The following FAF1 variants were observed in gnomAD, a reference collection of about 807,000 sequenced individuals.
FAF1 encodes the protein Fas associated factor 1, also known as FAS-associated factor 1.
A neutral mutation model predicts 92.5 loss-of-function variants in FAF1; 25 were observed. The observed-to-expected ratio is 0.27, with a 90% CI of 0.20 to 0.38. FAF1 has a LOEUF of 0.38. FAF1 is among the 10% of genes least tolerant of loss of function. FAF1 has a pLI of 1.00. For missense variants in FAF1, 636 were observed against 793.3 expected (o/e 0.80, Z 2.38); for synonymous variants, 234 against 273.2 (o/e 0.86, Z 1.42).
At chr1:50,468,000 G>T (rs1007798024) in intron 18 of FAF1, among the ~76,000 whole-genome samples, 1 of 152,122 alleles carries the variant, frequency 6.6e-6, no homozygotes, top group Non-Finnish European at 1.5e-5. Context: ...TCTGAGCCCA[G>T]GAGTTCGAGA....
intron 7 of FAF1, among the ~76,000 whole-genome samples, chr1:50,703,024 A>AT (rs1557483708): frequency 6.6e-6 from 1 of 150,790 alleles, no homozygotes; most frequent in East Asian, 1.9e-4. Context: ...TATATATATA[A>AT]AATACACTAA....
In FAF1 at chr1:50,960,009, C is replaced by A; in HGVS notation, c.-198G>T. ...AGGCGCTCATGCACTCGGTAACCTT[C>A]AGGCGCCCCGGCCGCCCGCCTGCAA... is the stretch of plus-strand genomic sequence containing the variant. On this transcript the variant is annotated 5_prime_UTR_variant, in exon 1 of 19. Transcript: ENST00000396153. 1 of 395,206 alleles carries A rather than the reference C, an allele frequency of 2.5e-6. No homozygotes were observed. 24.5% of individuals were successfully genotyped at this position (395,206 alleles called of 1,614,324 possible).
chr1:50,818,556 G>A (rs1231374380), intron 2 of FAF1, among the ~76,000 whole-genome samples: 1 of 152,174 alleles, frequency 6.6e-6, no homozygotes, highest in East Asian at 1.9e-4. Flanking sequence ...TCTTATACAT[G>A]CAACAATATG....
chr1:50,553,334 G>A (rs935507370), intron 13 of FAF1, among the ~76,000 whole-genome samples: 1 of 152,170 alleles, frequency 6.6e-6, no homozygotes, highest in African/African-American at 2.4e-5. Flanking sequence ...AAAATTTTCT[G>A]GAGAACATGT....
intron 8 of FAF1, among the ~76,000 whole-genome samples, chr1:50,653,440 T>A (rs1028746723): frequency 6.6e-6 from 1 of 151,992 alleles, no homozygotes; most frequent in Admixed American, 6.6e-5. Context: ...AACCTCCCCC[T>A]CCCAGGTTCA....
rs1458123803 is a variant in FAF1 at position 50,960,142 on chromosome 1, C to G, written c.-331G>C. On this transcript the variant is annotated 5_prime_UTR_variant, in exon 1 of 19. Transcript: ENST00000396153. ...AGGGCAGGTTGCGACAGCGCGCACC[C>G]GGATACCTTCAGCGGCGTTAAGCCC... 3 of 353,820 alleles carry G rather than the reference C, an allele frequency of 8.5e-6. No individual in the cohort carries two copies. Among genetic ancestry groups the G allele is most frequent in the Non-Finnish European group, 1.0e-5 (2 of 196,390 alleles). 21.9% of individuals were successfully genotyped at this position (353,820 alleles called of 1,614,324 possible).
chr1:50,589,478 A>ACAGC (rs764225092), intron 9 of FAF1, among the ~76,000 whole-genome samples: 5 of 152,174 alleles, frequency 3.3e-5, no homozygotes, highest in Non-Finnish European at 7.4e-5. Flanking sequence ...CAGAACAACT[A>ACAGC]CAGCAGTAGC....
Position 50,513,341 on chromosome 1 carries a change from G to A in FAF1, c.1495-21540C>T, listed in dbSNP as rs947603286. Among the ~76,000 whole-genome samples, 8 of 152,136 alleles carry A rather than the reference G, an allele frequency of 5.3e-5. No homozygotes were observed. In the South Asian group the frequency reaches 1.0e-3, roughly 20 times the overall value. On this transcript the variant is annotated intron_variant, in intron 15 of 18. Coordinates refer to ENST00000396153, the MANE Select transcript of FAF1 (RefSeq NM_007051.3). The stretch of plus-strand genomic sequence containing the variant: ...CCAGAAAAAAATACAAAAATTAACC[G>A]GGCATGGTGGTGCATGCCTGCAATC...
At chr1:50,763,222 C>A (rs1268560429) in intron 4 of FAF1, among the ~76,000 whole-genome samples, 1 of 152,152 alleles carries the variant, frequency 6.6e-6, no homozygotes, top group East Asian at 1.9e-4. Flanking sequence ...GACGCCACTG[C>A]ACTCCAACCT....
chr1:50,729,387 G>A (rs1006040402), intron 6 of FAF1, among the ~76,000 whole-genome samples: 3 of 150,738 alleles, frequency 2.0e-5, no homozygotes. Context: ...ATGGTCACAA[G>A]TGAAATGTAC....
intron 15 of FAF1, among the ~76,000 whole-genome samples, chr1:50,519,719 A>G (rs554250858): frequency 6.6e-6 from 1 of 152,248 alleles, no homozygotes; most frequent in African/African-American, 2.4e-5. Flanking sequence ...CTTAATTATG[A>G]TGTGTGTTAT....
At chr1:50,600,913 T>C (rs1363792060) in intron 8 of FAF1, among the ~76,000 whole-genome samples, 1 of 152,188 alleles carries the variant, frequency 6.6e-6, no homozygotes, top group Admixed American at 6.5e-5. Context: ...TTTTCTTCAA[T>C]ATTAATTTTT....
At chr1:50,831,106 G>C (rs1644148547) in intron 2 of FAF1, among the ~76,000 whole-genome samples, 1 of 151,886 alleles carries the variant, frequency 6.6e-6, no homozygotes, top group East Asian at 1.9e-4. Context: ...ATATGCTAAA[G>C]GTGAATTGAG....
intron 15 of FAF1, among the ~76,000 whole-genome samples, chr1:50,514,679 AT>A (rs1647188219): frequency 6.6e-6 from 1 of 152,130 alleles, no homozygotes; most frequent in African/African-American, 2.4e-5. Flanking sequence ...TCTGATGGAG[AT>A]GTTTAGAAAA....
At chr1:50,688,773 T>C (rs560895170) in intron 7 of FAF1, among the ~76,000 whole-genome samples, 2 of 152,134 alleles carry the variant, frequency 1.3e-5, no homozygotes, top group East Asian at 3.9e-4. Flanking sequence ...GATCGCGCCA[T>C]TGCACTACAG....
intron 1 of FAF1, among the ~76,000 whole-genome samples, chr1:50,930,001 C>A (rs1210290990): frequency 1.3e-5 from 2 of 152,056 alleles, no homozygotes; most frequent in African/African-American, 4.8e-5. Flanking sequence ...ATGCAAATAC[C>A]TTCTTTTTTC....
chr1:50,686,489 C>T (rs915710670), intron 7 of FAF1, among the ~76,000 whole-genome samples: 5 of 151,840 alleles, frequency 3.3e-5, no homozygotes, highest in African/African-American at 1.2e-4. Flanking sequence ...TTGCCGTGAG[C>T]TGAGATTGCA....
chr1:50,725,416 TC>T (rs1175229285), intron 6 of FAF1, among the ~76,000 whole-genome samples: 1 of 152,176 alleles, frequency 6.6e-6, no homozygotes, highest in African/African-American at 2.4e-5. Context: ...TAATCTGCTT[TC>T]CCACCAATGG....
At chr1:50,656,727 A>G (rs1655129552) in intron 7 of FAF1, among the ~76,000 whole-genome samples, 1 of 151,978 alleles carries the variant, frequency 6.6e-6, no homozygotes, top group Admixed American at 6.6e-5. Context: ...TATGAAAAAT[A>G]CAAAAATTAG....
Sources: allele counts gnomAD v4.1 joint callset (sites outside exome capture counted in the v4.1 genomes callset), GRCh38; gene constraint gnomAD v4.1.1; transcripts MANE v1.5; gene names NCBI Gene and HGNC (gene_info 2026-07-23, HGNC 2026-07-21).